The following PIKFYVE variants were observed in gnomAD, a reference collection of about 807,000 sequenced individuals.
PIKFYVE encodes the protein 1-phosphatidylinositol 3-phosphate 5-kinase.
A neutral mutation model predicts 257.9 loss-of-function variants in PIKFYVE; 122 were observed. The observed-to-expected ratio is 0.47, with a 90% CI of 0.41 to 0.55. The LOEUF (loss-of-function observed/expected upper bound fraction) is 0.55. PIKFYVE is among the 20% of genes least tolerant of loss of function. PIKFYVE has a pLI of 0.00. For synonymous variants in PIKFYVE, 892 were observed against 868.9 expected, an observed-to-expected ratio of 1.03 and a Z score of -0.47; for missense variants, 2,160 against 2,536.6, an observed-to-expected ratio of 0.85 and a Z score of 3.19.
intron 16 of PIKFYVE, among the ~76,000 whole-genome samples, chr2:208,319,235 C>A (rs2125512861): frequency 6.6e-6 from 1 of 152,220 alleles, no homozygotes; most frequent in Admixed American, 6.5e-5. Flanking sequence ...ATAGTTTTTT[C>A]TAAGGCATTA....
At chr2:208,294,252 A>G (rs1390380501) in intron 7 of PIKFYVE, among the ~76,000 whole-genome samples, 1 of 152,072 alleles carries the variant, frequency 6.6e-6, no homozygotes, top group Non-Finnish European at 1.5e-5. Flanking sequence ...GATCTCTTGC[A>G]TTTCCTTTTT....
chr2:208,350,414 GAAT>G (rs1202502953), intron 36 of PIKFYVE, among the ~76,000 whole-genome samples: 2 of 152,016 alleles, frequency 1.3e-5, no homozygotes, highest in Admixed American at 1.3e-4. Context: ...GTATTATCCA[GAAT>G]AATATGTACA....
Position 208,271,656 on chromosome 2 carries a change from A to G in PIKFYVE, c.137A>G (p.Tyr46Cys), listed in dbSNP as rs1190579474. Residue 46 changes from tyrosine to cysteine, a missense_variant, in exon 2 of 42, where the codon TAT (tyrosine) becomes TGT (cysteine). Tyr to Cys is a radical substitution (Grantham distance 194). This residue lies in a region of PIKFYVE where 172 missense variants were observed against 180.6 expected (regional missense o/e 0.95). Transcript: ENST00000264380. Reference protein sequence around the residue: ...DQDEPPFKSAYSSFVNLFRFN... With the variant: ...DQDEPPFKSACSSFVNLFRFN... ...GATGAGCCCCCTTTTAAATCAGCTT[A>G]TAGTTCTTTTGTAAATCTCTTTCGT... 2 of 1,613,882 alleles carry G rather than the reference A, an allele frequency of 1.2e-6. No individual in the cohort carries two copies. Among genetic ancestry groups the G allele is most frequent in the South Asian group, 1.1e-5 (1 of 91,086 alleles).
In PIKFYVE at chr2:208,284,036, G is replaced by A. The variant is rs1359353019; in HGVS notation, c.614-1690G>A. Among the ~76,000 whole-genome samples the A allele has an allele frequency of 3.9e-5, 6 of 152,232 alleles. No homozygotes were observed. In the East Asian group the frequency reaches 1.2e-3, roughly 29 times the overall value. On this transcript the variant is annotated intron_variant, in intron 5 of 41. Transcript: ENST00000264380. ...GTATCACTTCAGTTTTCTAATATTA[G>A]TGGGAAAATTTTAGGTGGAATTATT...
chr2:208,288,139 A>G (rs1691828791), intron 6 of PIKFYVE, among the ~76,000 whole-genome samples: 1 of 152,220 alleles, frequency 6.6e-6, no homozygotes, highest in Admixed American at 6.5e-5. Context: ...GAGATGTACA[A>G]TAGATGTCAA....
intron 22 of PIKFYVE, among the ~76,000 whole-genome samples, 162 bp downstream of exon 22, chr2:208,330,075 A>G (rs1329847925): frequency 2.6e-5 from 4 of 152,278 alleles, no homozygotes; most frequent in African/African-American, 9.6e-5. Flanking sequence ...AATCTATTTC[A>G]TATTTAAACT....
At position 208,344,862 on chromosome 2, in the gene PIKFYVE, A is replaced by G. The variant is rs577634366; in HGVS notation, c.5028-249A>G. 4.1e-4 allele frequency among the ~76,000 whole-genome samples: 62 copies of G among 152,188 alleles called. 1 individual carries two copies. The Middle Eastern group carries it at 0.02, about 50-fold the overall frequency. Reference sequence around the variant, plus strand: ...TAAATATTAGTAAGTAGGCTTTTAAAATCTTTGTTGAGGGTATTGATACTG... The same window carrying G: ...TAAATATTAGTAAGTAGGCTTTTAAGATCTTTGTTGAGGGTATTGATACTG... On this transcript the variant is annotated intron_variant, in intron 32 of 41. Transcript: ENST00000264380.
intron 7 of PIKFYVE, among the ~76,000 whole-genome samples, 168 bp from the exon 8 acceptor site, chr2:208,298,473 T>C (rs919395797): frequency 1.3e-5 from 2 of 152,232 alleles, no homozygotes; most frequent in African/African-American, 4.8e-5. Flanking sequence ...GGGTATCCTT[T>C]ACCAAATTTC....
At chr2:208,303,260 CAT>C (rs779360396) in intron 10 of PIKFYVE, among the ~76,000 whole-genome samples, 46 of 124,816 alleles carry the variant, frequency 3.7e-4, no homozygotes, top group Non-Finnish European at 6.3e-4. Context: ...CATATATAAA[CAT>C]ATATATACAT....
chr2:208,349,566 AT>A (rs1435017665), intron 35 of PIKFYVE, among the ~76,000 whole-genome samples: 4 of 150,672 alleles, frequency 2.7e-5, no homozygotes, highest in African/African-American at 7.3e-5. Flanking sequence ...TGTAACTAGT[AT>A]ATAATTTTAT....
chr2:208,268,963 A>G (rs1303584433), intron 1 of PIKFYVE, among the ~76,000 whole-genome samples: 2 of 152,136 alleles, frequency 1.3e-5, no homozygotes, highest in African/African-American at 4.8e-5. Context: ...GATTTAGGTA[A>G]TACTTTTGGG....
rs113872018 is a variant in PIKFYVE, at chr2:208,277,905, CTA to C, written c.613+198_613+199del. On this transcript the variant is annotated intron_variant, in intron 5 of 41. Transcript: ENST00000264380. ...AGTAGATGGGACTTATCATAAATAACTAGAGTAAAAGTGTATTTATTGTAGAT... is the reference window on the plus strand; with the variant it reads ...AGTAGATGGGACTTATCATAAATAACGAGTAAAAGTGTATTTATTGTAGAT... Among the ~76,000 whole-genome samples, 392 of 152,184 alleles carry C rather than the reference CTA, an allele frequency of 2.6e-3. 1 individual carries two copies. The highest frequency in any genetic ancestry group is 8.5e-3 in the African/African-American group (354 of 41,536).
chr2:208,270,906 C>T (rs552222507), intron 1 of PIKFYVE, among the ~76,000 whole-genome samples: 83 of 151,874 alleles, frequency 5.5e-4, no homozygotes, highest in African/African-American at 1.9e-3. Context: ...GTGGTGACTG[C>T]GCACCTATAG....
chr2:208,321,335 G>A (rs1211440558), intron 17 of PIKFYVE, among the ~76,000 whole-genome samples: 2 of 151,992 alleles, frequency 1.3e-5, no homozygotes, highest in African/African-American at 2.4e-5. Flanking sequence ...AAGAGTGGTA[G>A]GAGCAATCAC....
chr2:208,319,997 TAA>T (rs912700884), intron 16 of PIKFYVE, among the ~76,000 whole-genome samples: 8 of 152,056 alleles, frequency 5.3e-5, no homozygotes, highest in African/African-American at 1.9e-4. Flanking sequence ...AAAAAAAAGT[TAA>T]AGAGTATAGA....
intron 22 of PIKFYVE, 146 bp from the exon 23 acceptor site, chr2:208,330,377 G>A: frequency 1.1e-6 from 1 of 896,084 alleles, no homozygotes. Context: ...CTATCACCGT[G>A]CTGTAGCTGA....
intron 28 of PIKFYVE, 107 bp from the exon 29 acceptor site, chr2:208,338,401 T>G (rs1360043400): frequency 2.2e-6 from 2 of 890,134 alleles, no homozygotes. Flanking sequence ...TTTTTAACGG[T>G]ATAAATGGGT....
At chr2:208,267,991 T>G (rs1038398900) in intron 1 of PIKFYVE, among the ~76,000 whole-genome samples, 1 of 152,358 alleles carries the variant, frequency 6.6e-6, no homozygotes, top group South Asian at 2.1e-4. Flanking sequence ...CATATATTAG[T>G]AGCCTTAATT....
intron 1 of PIKFYVE, among the ~76,000 whole-genome samples, chr2:208,270,262 G>A (rs950651055): frequency 6.6e-6 from 1 of 151,814 alleles, no homozygotes; most frequent in African/African-American, 2.4e-5. Flanking sequence ...GGCTGGTCTC[G>A]AACTCCTGAC....
Sources: allele counts gnomAD v4.1 joint callset (sites outside exome capture counted in the v4.1 genomes callset), GRCh38; gene constraint gnomAD v4.1.1; regional missense constraint gnomAD v4.1.1; transcripts MANE v1.5; gene names NCBI Gene and HGNC (gene_info 2026-07-23, HGNC 2026-07-21).